Variants in FARP1 observed in about 807,000 individuals in gnomAD.
FARP1 encodes the protein FERM, ARHGEF and pleckstrin domain-containing protein 1.
A neutral mutation model predicts 128.8 loss-of-function variants in FARP1; 52 were observed. The observed-to-expected ratio is 0.40, with a 90% confidence interval of 0.32 to 0.51. The LOEUF is 0.51. Among genes scored for constraint, FARP1 ranks in the 20% least tolerant of loss-of-function variants. The pLI, the probability that FARP1 is intolerant of heterozygous loss-of-function variation, is 0.45. For synonymous variants in FARP1, 580 were observed against 551.8 expected, an observed-to-expected ratio of 1.05 and a Z score of -0.72; for missense variants, 1,333 against 1,367.9, an observed-to-expected ratio of 0.97 and a Z score of 0.40.
chr13:98,210,498 T>G (rs1268147350), intron 1 of FARP1, among the ~76,000 whole-genome samples: 1 of 151,870 alleles, frequency 6.6e-6, no homozygotes, highest in African/African-American at 2.4e-5. Context: ...TCCTCCCTTC[T>G]GCCCTGATTT....
At chr13:98,427,506 C>T (rs1335779720) in intron 17 of FARP1, among the ~76,000 whole-genome samples, 1 of 152,208 alleles carries the variant, frequency 6.6e-6, no homozygotes. Flanking sequence ...TGGTGTGGGC[C>T]TTTGGGGACA....
chr13:98,240,029 G>A (rs1463424911), intron 2 of FARP1, among the ~76,000 whole-genome samples: 1 of 152,150 alleles, frequency 6.6e-6, no homozygotes, highest in Non-Finnish European at 1.5e-5. Context: ...CACAAGGAGG[G>A]AAGGAGGCAG....
At chr13:98,430,093 T>TC (rs962202401) in intron 17 of FARP1, among the ~76,000 whole-genome samples, 1 of 151,072 alleles carries the variant, frequency 6.6e-6, no homozygotes, top group African/African-American at 2.4e-5. Context: ...AAATAAATAA[T>TC]TTTTTTTTAA....
At chr13:98,382,134 G>A (rs1889908951) in intron 6 of FARP1, 1 of 152,170 alleles carries the variant, frequency 6.6e-6, no homozygotes, top group South Asian at 2.1e-4. Flanking sequence ...AGCTGAGGTG[G>A]GAGGGTCACT....
chr13:98,449,192 C>T lies in FARP1; in HGVS notation c.*875C>T, dbSNP rs528565654. ...GTTCCGTGATGAGCGTTTAGTGAGCCTGCTGGCTGCAGAGCACTATGAAAT... is the reference window on the plus strand; with the variant it reads ...GTTCCGTGATGAGCGTTTAGTGAGCTTGCTGGCTGCAGAGCACTATGAAAT... On this transcript the variant is annotated 3_prime_UTR_variant, in exon 27 of 27. Transcript: ENST00000319562. The T allele has an allele frequency of 1.1e-4, 17 of 152,348 alleles. No individual in the cohort carries two copies. Among genetic ancestry groups the T allele is most frequent in the African/African-American group, 3.8e-4 (16 of 41,576 alleles). The allele number at this position is 152,348 out of a possible 1,614,324, so 9.4% of individuals were successfully genotyped here.
At chr13:98,327,732 G>A (rs1267686261) in intron 2 of FARP1, among the ~76,000 whole-genome samples, 1 of 152,162 alleles carries the variant, frequency 6.6e-6, no homozygotes, top group Non-Finnish European at 1.5e-5. Flanking sequence ...ACACGTTTCT[G>A]TTGTCAGCTG....
At chr13:98,349,668 CAG>C (rs1888323440) in intron 3 of FARP1, among the ~76,000 whole-genome samples, 1 of 90,380 alleles carries the variant, frequency 1.1e-5, no homozygotes, top group South Asian at 4.3e-4. Context: ...AGACCCATCT[CAG>C]GGAAAAAAAA....
intron 24 of FARP1, among the ~76,000 whole-genome samples, chr13:98,441,271 C>T (rs1439050284): frequency 6.6e-6 from 1 of 152,212 alleles, no homozygotes; most frequent in Admixed American, 6.5e-5. Flanking sequence ...CAAGCAGGTG[C>T]CAGCTCCTCC....
chr13:98,147,333 G>A (rs1268152242), intron 1 of FARP1, among the ~76,000 whole-genome samples: 2 of 152,020 alleles, frequency 1.3e-5, no homozygotes, highest in Non-Finnish European at 2.9e-5. Context: ...GTTTAATGTG[G>A]GATGGAAATT....
intron 19 of FARP1, chr13:98,437,861 G>T (rs757047876): frequency 6.3e-7 from 1 of 1,592,752 alleles, no homozygotes; most frequent in Non-Finnish European, 8.5e-7. Flanking sequence ...TAGTAAAGGT[G>T]AAGATGGAAT....
At chr13:98,188,224 G>T (rs918981949) in intron 1 of FARP1, among the ~76,000 whole-genome samples, 1 of 152,168 alleles carries the variant, frequency 6.6e-6, no homozygotes, top group Non-Finnish European at 1.5e-5. Context: ...GAACAGAACA[G>T]TTTCTGTAAG....
intron 17 of FARP1, among the ~76,000 whole-genome samples, chr13:98,430,101 TA>T (rs952428431): frequency 1.9e-4 from 29 of 151,492 alleles, no homozygotes; most frequent in East Asian, 3.9e-4. Context: ...AATTTTTTTT[TA>T]AATTAGCTGG....
chr13:98,441,753 A>AGGG (rs956956079), intron 24 of FARP1, among the ~76,000 whole-genome samples: 27 of 152,134 alleles, frequency 1.8e-4, no homozygotes, highest in Admixed American at 1.6e-3. Context: ...GCCTTAAGGA[A>AGGG]GGGGGAGTCC....
At chr13:98,213,836 G>A (rs1462577956) in intron 2 of FARP1, among the ~76,000 whole-genome samples, 8 of 151,980 alleles carry the variant, frequency 5.3e-5, no homozygotes, top group Admixed American at 2.6e-4. Context: ...GGGGGCTGTC[G>A]AACTCAAGTC....
chr13:98,306,718 C>G lies in FARP1; in HGVS notation c.172-37044C>G, dbSNP rs548882521. 1.6e-4 allele frequency among the ~76,000 whole-genome samples: 24 copies of G among 151,912 alleles called. No homozygotes were observed. The South Asian group carries it at 4.6e-3, about 29-fold the overall frequency. On this transcript the variant is annotated intron_variant, in intron 2 of 26. Transcript: ENST00000319562. ...ATTTCATTTTTTGTCGAGATGAGGT[C>G]TCTCTATGTTACCCAGGCTAGCCTC...
intron 6 of FARP1, among the ~76,000 whole-genome samples, chr13:98,380,600 G>T (rs1269243150): frequency 6.6e-6 from 1 of 151,022 alleles, no homozygotes; most frequent in African/African-American, 2.4e-5. Context: ...TTTTTTTTTA[G>T]ACAGTCTCTG....
chr13:98,392,445 A>G (rs1890348949), intron 11 of FARP1, among the ~76,000 whole-genome samples: 1 of 150,326 alleles, frequency 6.7e-6, no homozygotes, highest in Admixed American at 6.6e-5. Flanking sequence ...GGCTGCAGTG[A>G]GCCAAGATTG....
intron 6 of FARP1, among the ~76,000 whole-genome samples, chr13:98,379,792 AT>A (rs200460460): frequency 0.013 from 1,934 of 152,304 alleles, 23 homozygotes; most frequent in Middle Eastern, 0.024. Flanking sequence ...ACAAGAAAAA[AT>A]ATCTTAGATG....
At chr13:98,149,434 G>C (rs974543891) in intron 1 of FARP1, among the ~76,000 whole-genome samples, 1 of 152,140 alleles carries the variant, frequency 6.6e-6, no homozygotes, top group African/African-American at 2.4e-5. Flanking sequence ...ACAAATCTTT[G>C]TGTAGAGATA....
Sources: allele counts gnomAD v4.1 joint callset (sites outside exome capture counted in the v4.1 genomes callset), GRCh38; gene constraint gnomAD v4.1.1; transcripts MANE v1.5; gene names NCBI Gene and HGNC (gene_info 2026-07-23, HGNC 2026-07-21).